Variants in CIDEC observed in about 807,000 individuals in gnomAD.
CIDEC encodes the protein cell death inducing DFFA like effector c, also known as lipid transferase CIDEC.
Under a neutral mutation model 21.9 loss-of-function variants are expected in CIDEC, and 11 were observed. The ratio of observed to expected loss-of-function variants is 0.50; its 90% confidence interval spans 0.32 to 0.83. The LOEUF is 0.83. CIDEC is among the 40% of genes least tolerant of loss of function. CIDEC has a pLI of 0.04. For synonymous variants in CIDEC, 127 were observed against 124.9 expected (o/e 1.02, Z -0.11); for missense variants, 302 against 302.3 (o/e 1.00, Z 0.01).
Position 9,866,911 on chromosome 3 carries a change from G to A in CIDEC, c.*223C>T, listed in dbSNP as rs545468718. On this transcript the variant is annotated 3_prime_UTR_variant, in exon 7 of 7. Transcript: ENST00000336832. ...AGGACCAGTCTGGATGGGCTAAGCT[G>A]CCTTGGGCAGGAAGGAGCTGGATCA... 81 of 647,232 alleles carry A rather than the reference G, an allele frequency of 1.3e-4. 2 individuals carry two copies. The highest frequency in any genetic ancestry group is 1.2e-3 in the Middle Eastern group (3 of 2,458). The allele number at this position is 647,232 out of a possible 1,614,324, so 40.1% of individuals were successfully genotyped here.
At chr3:9,869,792 G>T in intron 6 of CIDEC, 90 bp downstream of exon 6, 3 of 1,226,634 alleles carry the variant, frequency 2.4e-6, no homozygotes, top group South Asian at 2.5e-5. Flanking sequence ...GCCAGACCCA[G>T]GCGCTGAGAA....
chr3:9,867,823 G>T (rs11915315), intron 6 of CIDEC, among the ~76,000 whole-genome samples: 2 of 151,388 alleles, frequency 1.3e-5, no homozygotes. Flanking sequence ...TCAGCTACTC[G>T]GGAAGCTGAG....
intron 4 of CIDEC, among the ~76,000 whole-genome samples, chr3:9,876,402 A>G (rs1019788329): frequency 2.0e-5 from 3 of 151,976 alleles, no homozygotes; most frequent in Middle Eastern, 3.2e-3. Flanking sequence ...TGAACCTGGG[A>G]GGCGGAGACT....
intron 4 of CIDEC, among the ~76,000 whole-genome samples, chr3:9,873,050 TTTTGTTTTGGTTTTG>T (rs989483628): frequency 1.1e-3 from 161 of 151,518 alleles, no homozygotes; most frequent in African/African-American, 3.8e-3. Context: ...GCTTATTTTG[TTTTGTTTTGGTTTTG>T]TTTGTTTTGG....
chr3:9,872,065 G>A (rs1290993111), intron 4 of CIDEC, among the ~76,000 whole-genome samples: 1 of 151,906 alleles, frequency 6.6e-6, no homozygotes, highest in African/African-American at 2.4e-5. Context: ...CTCCCGCCTC[G>A]GCCTCCTAAA....
intron 3 of CIDEC, chr3:9,878,215 C>T (rs779667177): frequency 1.0e-5 from 6 of 585,430 alleles, no homozygotes; most frequent in Non-Finnish European, 1.9e-5. Context: ...GTGTCTACTC[C>T]TTTTTATGCA....
chr3:9,878,924 TG>T lies in CIDEC; in HGVS notation c.-26+17del. 2 of 1,002,966 alleles carry T rather than the reference TG, an allele frequency of 2.0e-6. No individual in the cohort carries two copies. The highest frequency in any genetic ancestry group is 3.0e-6 in the Non-Finnish European group (2 of 661,076). 62.1% of individuals were successfully genotyped at this position (1,002,966 alleles called of 1,614,324 possible). ...GGTGAGTCACACCACCTCACACTTC[TG>T]GGGACCGTTCCCTCACCTCTAGTCC... On this transcript the variant is annotated intron_variant, in intron 2 of 6. Coordinates refer to ENST00000336832, the MANE Select transcript of CIDEC (RefSeq NM_001321142.2).
Position 9,870,275 on chromosome 3 carries a change from C to T in CIDEC, c.255G>A (p.Leu85=), listed in dbSNP as rs1405278348. The T allele has an allele frequency of 6.2e-7, 1 of 1,614,086 alleles. No homozygotes were observed. The highest frequency in any genetic ancestry group is 1.3e-5 in the African/African-American group (1 of 75,046). The part of the protein sequence containing the change: ...MLADKPFFLV[L]EEDGTTVETE... ...TCTCTACAGTTGTGCCATCTTCCTC[C>T]AGCACCAGGAAGAAGGGCTTGTCTG... The change falls in exon 5 of 7, where the codon CTG becomes CTA. Residue 85 remains leucine (L), a synonymous_variant. Coordinates refer to ENST00000336832, the MANE Select transcript of CIDEC (RefSeq NM_001321142.2).
In CIDEC at chr3:9,866,948, T is replaced by G; in HGVS notation, c.*186A>C. 1.4e-6 allele frequency: 1 copy of G among 705,366 alleles called. No individual in the cohort carries two copies. Among genetic ancestry groups the G allele is most frequent in the Non-Finnish European group, 2.6e-6 (1 of 390,926 alleles). 43.7% of individuals were successfully genotyped at this position (705,366 alleles called of 1,614,324 possible). On this transcript the variant is annotated 3_prime_UTR_variant, in exon 7 of 7. Coordinates refer to ENST00000336832, the MANE Select transcript of CIDEC (RefSeq NM_001321142.2). ...AAGGAGCTGGATCAGGCCAGGAGCTTGAGGTTCTCCTTTGGCCAACCCACC... is the reference window on the plus strand; with the variant it reads ...AAGGAGCTGGATCAGGCCAGGAGCTGGAGGTTCTCCTTTGGCCAACCCACC...
At chr3:9,878,130 T>C in intron 3 of CIDEC, 1 of 362,076 alleles carries the variant, frequency 2.8e-6, no homozygotes, top group Non-Finnish European at 5.2e-6. Context: ...CACCTATTAA[T>C]TTGGTATAAT....
Position 9,869,963 on chromosome 3 carries a change from C to T in CIDEC, c.473G>A (p.Cys158Tyr). ...ATAAAAAGTCGCCTTCACGTTCAGGCAGCCAATGAAGTCCTGTGGGTTCAG... is the reference window on the plus strand; with the variant it reads ...ATAAAAAGTCGCCTTCACGTTCAGGTAGCCAATGAAGTCCTGTGGGTTCAG... ...YKLNPQDFIGCLNVKATFYDT... is the reference protein window; with the variant it reads ...YKLNPQDFIGYLNVKATFYDT... The change falls in exon 6 of 7, where the codon TGC becomes TAC. Residue 158 changes from cysteine to tyrosine, a missense_variant. By Grantham distance (194) the Cys-to-Tyr change is radical. Transcript: ENST00000336832. 5 of 1,614,204 alleles carry T rather than the reference C, an allele frequency of 3.1e-6. No individual in the cohort carries two copies. The highest frequency in any genetic ancestry group is 2.2e-5 in the South Asian group (2 of 91,086).
At position 9,870,250 on chromosome 3, in the gene CIDEC, T is replaced by C; in HGVS notation, c.280A>G (p.Thr94Ala). ...VLEEDGTTVE[T>A]EEYFQALAGD... ...GCCAGGGCTTGGAAGTACTCTTCTGTCTCTACAGTTGTGCCATCTTCCTCC... is the reference window on the plus strand; with the variant it reads ...GCCAGGGCTTGGAAGTACTCTTCTGCCTCTACAGTTGTGCCATCTTCCTCC... The change falls in exon 5 of 7, where the codon ACA becomes GCA. Residue 94 changes from threonine (T) to alanine (A), a missense_variant. By Grantham distance (58) the Thr-to-Ala change is moderately conservative. Transcript: ENST00000336832. 6.2e-7 allele frequency: 1 copy of C among 1,614,096 alleles called. No homozygotes were observed. The highest frequency in any genetic ancestry group is 2.2e-5 in the East Asian group (1 of 44,874).
chr3:9,878,206 TGTC>T, intron 3 of CIDEC: 1 of 559,132 alleles, frequency 1.8e-6, no homozygotes, highest in Non-Finnish European at 3.2e-6. Context: ...CCAAGCATAG[TGTC>T]TACTCCTTTT....
chr3:9,875,695 A>G (rs1436522863), intron 4 of CIDEC, among the ~76,000 whole-genome samples: 1 of 152,250 alleles, frequency 6.6e-6, no homozygotes, highest in Non-Finnish European at 1.5e-5. Flanking sequence ...AGAAAGGAGA[A>G]TATCCTTGTT....
intron 4 of CIDEC, among the ~76,000 whole-genome samples, chr3:9,872,461 C>CA (rs2082361791): frequency 6.6e-6 from 1 of 152,150 alleles, no homozygotes; most frequent in East Asian, 1.9e-4. Flanking sequence ...AGGCATGAGC[C>CA]AATACGCTTG....
rs904090051 is a variant in CIDEC at position 9,876,051 on chromosome 3, A to T, written c.207+1015T>A. 3.9e-5 allele frequency among the ~76,000 whole-genome samples: 6 copies of T among 152,230 alleles called. No individual in the cohort carries two copies. In the South Asian group the frequency reaches 1.2e-3, roughly 31 times the overall value. ...TACACAGAAATAGGGGAGGAAACTT[A>T]GAATAAAGAGGTTAGCTATGATTGA... On this transcript the variant is annotated intron_variant, in intron 4 of 6. Transcript: ENST00000336832.
At chr3:9,870,586 T>C (rs1356694156) in intron 4 of CIDEC, 1 of 1,009,766 alleles carries the variant, frequency 9.9e-7, no homozygotes, top group Non-Finnish European at 1.5e-6. Context: ...TTCAGGGTTT[T>C]TTAGTATATT....
rs1488198677 is a variant in CIDEC, at chr3:9,867,151, G to C, written c.700C>G (p.Leu234Val). The part of the protein sequence containing the change: ...GKASSLIPTC[L>V]KILQ ...TTGGGCTTTCACTGCAGTATCTTCA[G>C]ACAGGTCGGGATAAGGGATGAGGCC... Residue 234 changes from leucine to valine, a missense_variant, in exon 7 of 7, where the codon CTG becomes GTG. Physicochemically the swap from Leu to Val is conservative, Grantham distance 32. Coordinates refer to ENST00000336832, the MANE Select transcript of CIDEC (RefSeq NM_001321142.2). 6.2e-7 allele frequency: 1 copy of C among 1,613,616 alleles called. No individual in the cohort carries two copies. Among genetic ancestry groups the C allele is most frequent in the South Asian group, 1.1e-5 (1 of 91,060 alleles).
At chr3:9,879,854 G>A (rs1226684515) in intron 1 of CIDEC, among the ~76,000 whole-genome samples, 1 of 152,144 alleles carries the variant, frequency 6.6e-6, no homozygotes, top group Admixed American at 6.6e-5. Context: ...CTCAGTCCCT[G>A]GATGCCTGGC....
Sources: gnomAD v4.1 joint callset for allele counts (sites outside exome capture counted in the v4.1 genomes callset) on GRCh38, gnomAD v4.1.1 for gene constraint, MANE v1.5 for transcripts, NCBI Gene and HGNC (gene_info 2026-07-23, HGNC 2026-07-21) for gene names.